Variants in CFAP90 observed in about 807,000 individuals in gnomAD.
CFAP90 encodes the protein cilia and flagella associated protein 90.
the CFAP90 span, chr5:7,831,666 A>C: frequency 1.8e-6 from 1 of 560,158 alleles, no homozygotes; most frequent in Admixed American, 3.1e-5. Context: ...CAGGCTCCTA[A>C]CCCAGCAACC....
chr5:7,835,578 T>C, the CFAP90 span: 4 of 779,842 alleles, frequency 5.1e-6, no homozygotes, highest in Non-Finnish European at 8.5e-6. Flanking sequence ...CAGAGGCCAG[T>C]TCTTTCCCAA....
At chr5:7,833,246 T>C in the CFAP90 span, among the ~76,000 whole-genome samples, 1 of 151,998 alleles carries the variant, frequency 6.6e-6, no homozygotes, top group Non-Finnish European at 1.5e-5. Flanking sequence ...ATAGAGCAGC[T>C]GAGCACAATA....
the CFAP90 span, among the ~76,000 whole-genome samples, chr5:7,848,610 C>T: frequency 6.6e-6 from 1 of 152,230 alleles, no homozygotes. Flanking sequence ...TGTCCCTTTA[C>T]ATCATCCTCC....
At chr5:7,838,366 G>A in the CFAP90 span, among the ~76,000 whole-genome samples, 2 of 152,102 alleles carry the variant, frequency 1.3e-5, no homozygotes, top group African/African-American at 2.4e-5. Flanking sequence ...GAGAAATCTC[G>A]ATATCTTTAA....
At chr5:7,846,116 T>C in the CFAP90 span, among the ~76,000 whole-genome samples, 1 of 152,102 alleles carries the variant, frequency 6.6e-6, no homozygotes, top group Non-Finnish European at 1.5e-5. Context: ...TTAATTAAAG[T>C]CATTCATATA....
the CFAP90 span, chr5:7,832,137 AC>A: frequency 1.9e-6 from 2 of 1,053,534 alleles, no homozygotes; most frequent in Non-Finnish European, 2.8e-6. Flanking sequence ...CCTGGGTCCC[AC>A]CATGGTAGAC....
At chr5:7,848,102 G>A in the CFAP90 span, among the ~76,000 whole-genome samples, 1 of 152,048 alleles carries the variant, frequency 6.6e-6, no homozygotes, top group Admixed American at 6.6e-5. Flanking sequence ...CATGAGTATT[G>A]CATACTTAAA....
At chr5:7,851,024 C>G in the CFAP90 span, 1 of 1,251,282 alleles carries the variant, frequency 8.0e-7, no homozygotes, top group Non-Finnish European at 1.0e-6. Flanking sequence ...TCCTCCATGC[C>G]GCCACCGTCC....
chr5:7,842,609 C>T, the CFAP90 span, among the ~76,000 whole-genome samples: 1 of 152,070 alleles, frequency 6.6e-6, no homozygotes, highest in Non-Finnish European at 1.5e-5. Flanking sequence ...AACTCCTAGG[C>T]CCTAGTAATA....
the CFAP90 span, among the ~76,000 whole-genome samples, chr5:7,844,528 T>C: frequency 6.6e-6 from 1 of 152,144 alleles, no homozygotes; most frequent in African/African-American, 2.4e-5. Context: ...CTCACAAAGC[T>C]CACATTTAGT....
chr5:7,841,477 A>G, the CFAP90 span, among the ~76,000 whole-genome samples: 4 of 152,226 alleles, frequency 2.6e-5, no homozygotes, highest in Admixed American at 6.5e-5. Context: ...ATTACTGAGT[A>G]TATACCCAAA....
the CFAP90 span, chr5:7,831,080 A>G: frequency 6.6e-6 from 1 of 152,212 alleles, no homozygotes; most frequent in African/African-American, 2.4e-5. Flanking sequence ...ATGTCTGCTC[A>G]TGTAGATGAT....
chr5:7,831,583 T>C, the CFAP90 span: 1 of 343,900 alleles, frequency 2.9e-6, no homozygotes, highest in Non-Finnish European at 5.3e-6. Flanking sequence ...TCCAGATTCA[T>C]TTGATCAAAA....
chr5:7,848,891 C>T, the CFAP90 span, among the ~76,000 whole-genome samples: 1 of 152,200 alleles, frequency 6.6e-6, no homozygotes, highest in Admixed American at 6.5e-5. Flanking sequence ...TTCCTGAGTC[C>T]TTCCCAGCCA....
At chr5:7,843,153 A>G in the CFAP90 span, among the ~76,000 whole-genome samples, 6 of 152,172 alleles carry the variant, frequency 3.9e-5, no homozygotes, top group African/African-American at 1.4e-4. Flanking sequence ...AGGTGATCCA[A>G]AACAGTTTCC....
the CFAP90 span, among the ~76,000 whole-genome samples, chr5:7,849,687 CAG>C: frequency 6.6e-6 from 1 of 152,174 alleles, no homozygotes; most frequent in Admixed American, 6.5e-5. Flanking sequence ...GTGGCCTTCG[CAG>C]ACTCGCAGAT....
chr5:7,851,065 G>A, the CFAP90 span: 2 of 1,235,738 alleles, frequency 1.6e-6, no homozygotes, highest in Admixed American at 4.2e-5. Context: ...GGTCCGTCCC[G>A]CCCGCCCAGG....
the CFAP90 span, chr5:7,830,459 T>C: frequency 6.6e-6 from 1 of 152,252 alleles, no homozygotes; most frequent in African/African-American, 2.4e-5. Context: ...GAATAATTTA[T>C]AAATATTTCT....
the CFAP90 span, among the ~76,000 whole-genome samples, chr5:7,840,638 C>T: frequency 1.1e-4 from 16 of 152,182 alleles, no homozygotes; most frequent in East Asian, 5.8e-4. Context: ...GAACCACTGC[C>T]GAACAACCTC....
Sources: gnomAD v4.1 joint callset for allele counts (sites outside exome capture counted in the v4.1 genomes callset) on GRCh38, gnomAD v4.1.1 for gene constraint, MANE v1.5 for transcripts, NCBI Gene and HGNC (gene_info 2026-07-23, HGNC 2026-07-21) for gene names.